The following CMIP variants were observed in gnomAD, a reference collection of about 807,000 sequenced individuals.
CMIP encodes the protein C-Maf-inducing protein.
A neutral mutation model predicts 97.3 loss-of-function variants in CMIP; 13 were observed. That is an observed-to-expected ratio of 0.13 (90% CI 0.09 to 0.21). The LOEUF is 0.21. Ranked by LOEUF, CMIP falls within the 10% of genes least tolerant of loss-of-function variation. The pLI is 1.00. For synonymous variants in CMIP, 538 were observed against 436.3 expected (o/e 1.23, Z -2.91); for missense variants, 847 against 1,024.9 (o/e 0.83, Z 2.37).
chr16:81,563,793 A>G (rs1209543922), intron 1 of CMIP, among the ~76,000 whole-genome samples: 2 of 152,172 alleles, frequency 1.3e-5, no homozygotes, highest in Non-Finnish European at 2.9e-5. Flanking sequence ...ATGTCTAGAA[A>G]AGCTTCTGCC....
At chr16:81,699,627 C>T (rs906720369) in intron 14 of CMIP, 58 bp from the exon 15 acceptor site, 19 of 1,136,754 alleles carry the variant, frequency 1.7e-5, no homozygotes, top group African/African-American at 3.1e-5. Context: ...CCTGCCAGCA[C>T]GCTGGAGGCT....
At chr16:81,684,791 C>T (rs947903837) in intron 10 of CMIP, among the ~76,000 whole-genome samples, 1 of 152,206 alleles carries the variant, frequency 6.6e-6, no homozygotes, top group Non-Finnish European at 1.5e-5. Flanking sequence ...CCGTCCCCTC[C>T]GTCCAAGCTG....
intron 1 of CMIP, among the ~76,000 whole-genome samples, chr16:81,489,180 G>A (rs2089367079): frequency 6.6e-6 from 1 of 152,160 alleles, no homozygotes; most frequent in Admixed American, 6.5e-5. Flanking sequence ...GAGGAAAGGC[G>A]GGCAAGGAGG....
At chr16:81,552,288 G>C (rs1213730057) in intron 1 of CMIP, among the ~76,000 whole-genome samples, 1 of 152,138 alleles carries the variant, frequency 6.6e-6, no homozygotes, top group Non-Finnish European at 1.5e-5. Context: ...GGTTCCCGAG[G>C]GTATCCTGTG....
At chr16:81,447,406 A>G (rs922309173) in intron 1 of CMIP, among the ~76,000 whole-genome samples, 1 of 152,054 alleles carries the variant, frequency 6.6e-6, no homozygotes, top group Non-Finnish European at 1.5e-5. Context: ...CTGTTTCCGG[A>G]AAGCCAGCTC....
intron 1 of CMIP, among the ~76,000 whole-genome samples, chr16:81,490,784 G>A (rs1282106893): frequency 1.3e-5 from 2 of 150,278 alleles, no homozygotes; most frequent in African/African-American, 5.0e-5. Context: ...CCACCCTGGG[G>A]TGTCTGGGTA....
chr16:81,537,977 A>C (rs963859232), intron 1 of CMIP, among the ~76,000 whole-genome samples: 1 of 152,252 alleles, frequency 6.6e-6, no homozygotes, highest in African/African-American at 2.4e-5. Flanking sequence ...GAGACCCGGC[A>C]TTCCGGACAG....
At chr16:81,502,586 G>A (rs55683214) in intron 1 of CMIP, among the ~76,000 whole-genome samples, 1 of 152,070 alleles carries the variant, frequency 6.6e-6, no homozygotes, top group Non-Finnish European at 1.5e-5. Flanking sequence ...ATGGCTGGGC[G>A]AGGATGGGGA....
chr16:81,498,419 C>A (rs2089532678), intron 1 of CMIP, among the ~76,000 whole-genome samples: 1 of 152,174 alleles, frequency 6.6e-6, no homozygotes, highest in South Asian at 2.1e-4. Context: ...TGGTCTGGGT[C>A]CTCACCTCTG....
intron 1 of CMIP, among the ~76,000 whole-genome samples, chr16:81,446,206 A>G (rs1905831993): frequency 6.6e-6 from 1 of 151,948 alleles, no homozygotes; most frequent in Non-Finnish European, 1.5e-5. Context: ...GTTCTAGCCT[A>G]GAAGCTGCTT....
intron 1 of CMIP, among the ~76,000 whole-genome samples, chr16:81,563,719 C>T (rs1216150204): frequency 6.6e-6 from 1 of 152,228 alleles, no homozygotes; most frequent in Non-Finnish European, 1.5e-5. Context: ...TGGGCCGTCT[C>T]TCCTAGACTC....
intron 1 of CMIP, among the ~76,000 whole-genome samples, chr16:81,536,623 T>A (rs1368921879): frequency 1.3e-5 from 2 of 152,174 alleles, no homozygotes; most frequent in Non-Finnish European, 2.9e-5. Flanking sequence ...GGTGGACACC[T>A]GGTTCATGAC....
intron 3 of CMIP, among the ~76,000 whole-genome samples, chr16:81,650,999 G>A (rs537393852): frequency 6.6e-5 from 10 of 152,206 alleles, no homozygotes; most frequent in South Asian, 4.2e-4. Flanking sequence ...ATAATTCCTA[G>A]CTCAGAAACT....
intron 1 of CMIP, chr16:81,476,101 C>T (rs1907896874): frequency 1.2e-6 from 1 of 813,472 alleles, no homozygotes; most frequent in Non-Finnish European, 2.2e-6. Flanking sequence ...GCTCCATGGC[C>T]TCCACAGTCT....
chr16:81,593,294 C>A (rs1470059909), intron 1 of CMIP, among the ~76,000 whole-genome samples: 1 of 152,074 alleles, frequency 6.6e-6, no homozygotes, highest in African/African-American at 2.4e-5. Context: ...GAACCCATGA[C>A]CCCTCCTGGG....
intron 1 of CMIP, among the ~76,000 whole-genome samples, chr16:81,606,773 G>A (rs777616939): frequency 1.3e-5 from 2 of 152,254 alleles, no homozygotes; most frequent in East Asian, 1.9e-4. Context: ...GGTGAGCACC[G>A]GAAAAGGAGG....
Position 81,649,874 on chromosome 16 carries a change from C to T in CMIP, c.478-2329C>T, listed in dbSNP as rs181350586. Among the ~76,000 whole-genome samples, 6 of 152,332 alleles carry T rather than the reference C, an allele frequency of 3.9e-5. No individual in the cohort carries two copies. In the East Asian group the frequency reaches 7.7e-4, roughly 20 times the overall value. On this transcript the variant is annotated intron_variant, in intron 3 of 20. Coordinates refer to ENST00000537098, the MANE Select transcript of CMIP (RefSeq NM_198390.3). Reference sequence around the variant, plus strand: ...ATTCTCTGGGTACAAACTAAAACCACAGACTCTGAGGCTCAAAGGAGCATT... The same window carrying T: ...ATTCTCTGGGTACAAACTAAAACCATAGACTCTGAGGCTCAAAGGAGCATT...
At chr16:81,701,821 G>A in intron 16 of CMIP, 21 bp downstream of exon 16, 1 of 1,612,494 alleles carries the variant, frequency 6.2e-7, no homozygotes, top group Non-Finnish European at 8.5e-7. Context: ...GGCTGCTCCG[G>A]ACCACTCCCC....
At chr16:81,471,033 T>C (rs952825561) in intron 1 of CMIP, among the ~76,000 whole-genome samples, 4 of 152,048 alleles carry the variant, frequency 2.6e-5, no homozygotes, top group Non-Finnish European at 5.9e-5. Context: ...AACATGTGCA[T>C]ACACACATGC....
Sources: gnomAD v4.1 joint callset for allele counts (sites outside exome capture counted in the v4.1 genomes callset) on GRCh38, gnomAD v4.1.1 for gene constraint, MANE v1.5 for transcripts, NCBI Gene and HGNC (gene_info 2026-07-23, HGNC 2026-07-21) for gene names.